Variants in SBK3 observed in about 807,000 individuals in gnomAD.
SBK3 encodes SH3 domain binding kinase family member 3.
In SBK3, 16 loss-of-function variants were observed where a neutral mutation model predicts 12.7. That is an observed-to-expected ratio of 1.26 (90% CI 0.86 to 1.92). SBK3 has a LOEUF of 1.92. Among genes scored for constraint, SBK3 ranks in the 40% most tolerant of loss-of-function variants. The probability of loss-of-function intolerance (pLI) is 0.00; values close to 1 mark genes in which losing one functional copy is unlikely to be tolerated. For missense variants in SBK3, 462 were observed against 481.8 expected, an observed-to-expected ratio of 0.96 and a Z score of 0.38; for synonymous variants, 217 against 213.6, an observed-to-expected ratio of 1.02 and a Z score of -0.14.
At chr19:55,544,612 A>G (rs1414897758) in intron 2 of SBK3, among the ~76,000 whole-genome samples, 187 bp downstream of exon 2, 1 of 152,166 alleles carries the variant, frequency 6.6e-6, no homozygotes, top group Non-Finnish European at 1.5e-5. Flanking sequence ...GACCGTAGGC[A>G]GTCCCTCGCC....
intron 3 of SBK3, among the ~76,000 whole-genome samples, chr19:55,543,304 TCATC>T (rs58908017): frequency 4.7e-4 from 24 of 50,600 alleles, no homozygotes; most frequent in Non-Finnish European, 4.0e-4. Context: ...ACCAATCCTT[TCATC>T]CATCCATCCA....
chr19:55,541,041 G>T lies in SBK3; in HGVS notation c.885C>A (p.Ser295Arg), dbSNP rs1349187324. ...GLLDLDPETRSPPLAVLDFLG... is the reference protein window; with the variant it reads ...GLLDLDPETRRPPLAVLDFLG... ...GGAAGTCCAGGACAGCCAGTGGGGG[G>T]CTCCTAGTCTCGGGATCCAGGTCCA... Residue 295 changes from serine to arginine, a missense_variant, in exon 4 of 4, where the codon AGC becomes AGA. Ser to Arg is a moderately radical substitution (Grantham distance 110). Coordinates refer to ENST00000612221, the MANE Select transcript of SBK3 (RefSeq NM_001199824.2). This position sits in a 1 kb window ranked among gnomAD's most constrained non-coding sequence, Gnocchi z 5.3. 2 of 1,535,986 alleles carry T rather than the reference G, an allele frequency of 1.3e-6. No individual in the cohort carries two copies. The highest frequency in any genetic ancestry group is 2.4e-5 in the South Asian group (2 of 84,052).
intron 2 of SBK3, 55 bp downstream of exon 2, chr19:55,544,744 G>A (rs557390840): frequency 1.1e-5 from 16 of 1,436,602 alleles, no homozygotes; most frequent in Middle Eastern, 2.4e-4. Context: ...GGTGGCTTCC[G>A]AGAATGCTTA....
Position 55,541,508 on chromosome 19 carries a change from C to A in SBK3, c.418G>T (p.Val140Leu). 6.6e-7 allele frequency: 1 copy of A among 1,520,174 alleles called. No individual in the cohort carries two copies. 94.2% of individuals were successfully genotyped at this position (1,520,174 alleles called of 1,614,324 possible). ...LQERGLPELL[V>L]KRVVAQLAGA... ...GCCAACTGGGCCACCACCCGCTTCA[C>A]CAGCAGTTCTGGGAGGCCCTGAGGT... The change falls in exon 4 of 4, where the codon GTG becomes TTG. Residue 140 changes from valine to leucine, a missense_variant. By Grantham distance (32) the Val-to-Leu change is conservative. Coordinates refer to ENST00000612221, the MANE Select transcript of SBK3 (RefSeq NM_001199824.2). This position sits in a 1 kb window ranked among gnomAD's most constrained non-coding sequence, Gnocchi z 5.3.
chr19:55,543,227 C>CCCAT (rs1478950266), intron 3 of SBK3, among the ~76,000 whole-genome samples: 1 of 127,392 alleles, frequency 7.8e-6, no homozygotes, highest in African/African-American at 3.0e-5. Context: ...CATCCACCCA[C>CCCAT]CCATCCATCC....
At chr19:55,543,749 T>C (rs533442101) in intron 3 of SBK3, among the ~76,000 whole-genome samples, 1 of 152,044 alleles carries the variant, frequency 6.6e-6, no homozygotes, top group African/African-American at 2.4e-5. Flanking sequence ...TATAATCAAC[T>C]CTAAACTCAA....
At position 55,541,250 on chromosome 19, in the gene SBK3, A is replaced by G. The variant is rs1321959650; in HGVS notation, c.676T>C (p.Trp226Arg). Reference protein sequence around the residue: ...TLPLRPAVDSWGLGVLLFCAA... With the variant: ...TLPLRPAVDSRGLGVLLFCAA... The stretch of plus-strand genomic sequence containing the variant: ...CAGAAGAGAAGCACCCCCAGGCCCC[A>G]GGAGTCCACGGCTGGCCGCAGAGGC... Residue 226 changes from tryptophan (W) to arginine (R), a missense_variant, in exon 4 of 4, where the codon TGG becomes CGG. Transcript: ENST00000612221. The surrounding 1 kb of genome is among the most constrained non-coding windows in gnomAD (Gnocchi z 5.3). 2.6e-6 allele frequency: 4 copies of G among 1,536,038 alleles called. No individual in the cohort carries two copies. The Admixed American group carries it at 5.9e-5, about 23-fold the overall frequency.
chr19:55,544,422 T>C, intron 2 of SBK3, 120 bp from the exon 3 acceptor site: 3 of 798,284 alleles, frequency 3.8e-6, no homozygotes, highest in Non-Finnish European at 5.8e-6. Context: ...GGCTCCCCTG[T>C]CTGTGAAGTG....
intron 3 of SBK3, among the ~76,000 whole-genome samples, chr19:55,542,547 TCATC>T (rs143447101): frequency 0.44 from 56,789 of 129,366 alleles, 13,728 homozygotes; most frequent in South Asian, 0.58. Flanking sequence ...ACCAATCCTT[TCATC>T]CATCCATCCA....
At position 55,545,338 on chromosome 19, in the gene SBK3, T is replaced by C. The variant is rs1038964398; in HGVS notation, c.45+161A>G. On this transcript the variant is annotated intron_variant, in intron 1 of 3. Transcript: ENST00000612221. This position sits in a 1 kb window ranked among gnomAD's most constrained non-coding sequence, Gnocchi z 4.4. The stretch of plus-strand genomic sequence containing the variant: ...CTCTGGGGGCCTTGGTCTCGCTGTG[T>C]GTCCTTGGATCTCTGTCATCCTCTC... The C allele has an allele frequency of 4.2e-5, 26 of 626,362 alleles. No individual in the cohort carries two copies. The African/African-American group carries it at 4.6e-4, about 11-fold the overall frequency. 38.8% of individuals were successfully genotyped at this position (626,362 alleles called of 1,614,324 possible).
At position 55,545,257 on chromosome 19, in the gene SBK3, C is replaced by T; in HGVS notation, c.45+242G>A. 1 of 586,882 alleles carries T rather than the reference C, an allele frequency of 1.7e-6. No individual in the cohort carries two copies. Among genetic ancestry groups the T allele is most frequent in the East Asian group, 2.9e-5 (1 of 34,832 alleles). The allele number at this position is 586,882 out of a possible 1,614,324, so 36.4% of individuals were successfully genotyped here. On this transcript the variant is annotated intron_variant, in intron 1 of 3. Transcript: ENST00000612221. The surrounding 1 kb of genome is among the most constrained non-coding windows in gnomAD (Gnocchi z 4.4). ...ACAGTCCCCCTGCCCACCCTGGTCT[C>T]TCTCTCCACCGTCCTCTTCCCCTGT...
At position 55,545,393 on chromosome 19, in the gene SBK3, C is replaced by T. The variant is rs969062988; in HGVS notation, c.45+106G>A. On this transcript the variant is annotated intron_variant, in intron 1 of 3. Transcript: ENST00000612221. This position sits in a 1 kb window ranked among gnomAD's most constrained non-coding sequence, Gnocchi z 4.4. ...TGGGTCTGGGTCTCTGAGGTCTTTG[C>T]GTTTCCCTGTTTTCTGTTTCTCTTC... 18 of 943,808 alleles carry T rather than the reference C, an allele frequency of 1.9e-5. No individual in the cohort carries two copies. The highest frequency in any genetic ancestry group is 3.3e-5 in the African/African-American group (2 of 60,828). The allele number at this position is 943,808 out of a possible 1,614,324, so 58.5% of individuals were successfully genotyped here. A position where few individuals can be genotyped will look rare whatever the true frequency, so the allele number is the denominator to read the frequency against.
intron 3 of SBK3, among the ~76,000 whole-genome samples, chr19:55,543,268 T>TCATC (rs1234211718): frequency 6.7e-5 from 4 of 59,332 alleles, no homozygotes; most frequent in Non-Finnish European, 1.3e-4. Context: ...ACCCACCCAC[T>TCATC]CATCCATCCA....
chr19:55,540,809 C>T lies in SBK3; in HGVS notation c.*37G>A, dbSNP rs2123488980. ...GCCCTGGGGGCTGGGGGAAGGGCCTCTGGCCCAGGCTCTGGCCACCTGTCT... is the reference window on the plus strand; with the variant it reads ...GCCCTGGGGGCTGGGGGAAGGGCCTTTGGCCCAGGCTCTGGCCACCTGTCT... On this transcript the variant is annotated 3_prime_UTR_variant, in exon 4 of 4. Coordinates refer to ENST00000612221, the MANE Select transcript of SBK3 (RefSeq NM_001199824.2). The T allele has an allele frequency of 6.6e-7, 1 of 1,521,774 alleles. No homozygotes were observed. Among genetic ancestry groups the T allele is most frequent in the South Asian group, 1.2e-5 (1 of 83,776 alleles). 94.3% of individuals were successfully genotyped at this position (1,521,774 alleles called of 1,614,324 possible).
chr19:55,542,485 AT>A (rs1988574244), intron 3 of SBK3, among the ~76,000 whole-genome samples: 2 of 138,482 alleles, frequency 1.4e-5, no homozygotes, highest in Admixed American at 7.3e-5. Flanking sequence ...CCATCCATCC[AT>A]CCATCCATCC....
chr19:55,540,998 AC>A lies in SBK3; in HGVS notation c.927del (p.Leu310CysfsTer?). On this transcript the variant is annotated frameshift_variant, in exon 4 of 4. Transcript: ENST00000612221. LOFTEE classifies it low-confidence loss of function (END_TRUNC). ...CCAGGTCCCTCTCTGTTCCCTTGCAACCCCCAGTCGTCCCCCAGGAAGTCCA... is the reference window on the plus strand; with the variant it reads ...CCAGGTCCCTCTCTGTTCCCTTGCAACCCCAGTCGTCCCCCAGGAAGTCCA... ...AVLDFLGDDW[G>X]LQGNREGPGV... 1.3e-6 allele frequency: 2 copies of A among 1,534,656 alleles called. No individual in the cohort carries two copies. Among genetic ancestry groups the A allele is most frequent in the Non-Finnish European group, 1.7e-6 (2 of 1,146,440 alleles).
rs1338938441 is a variant in SBK3, at chr19:55,544,168, G to A, written c.331C>T (p.Pro111Ser). The A allele has an allele frequency of 2.0e-6, 3 of 1,535,588 alleles. No individual in the cohort carries two copies. The highest frequency in any genetic ancestry group is 2.4e-5 in the East Asian group (1 of 40,908). ...TCCTGGGCGAAGGCAAAATAGCGGG[G>A]GGTCTGTAGGGGTCCTGCCAGGGTC... The part of the protein sequence containing the change: ...LQTLAGPLQT[P>S]RYFAFAQEYA... The change falls in exon 3 of 4, where the codon CCC becomes TCC. Residue 111 changes from proline (P) to serine (S), a missense_variant. Transcript: ENST00000612221.
intron 3 of SBK3, among the ~76,000 whole-genome samples, chr19:55,543,175 A>C (rs1328996497): frequency 1.7e-4 from 14 of 81,196 alleles, no homozygotes; most frequent in South Asian, 4.5e-4. Context: ...CCACCCACCC[A>C]TCCATCCACC....
At position 55,545,463 on chromosome 19, in the gene SBK3, T is replaced by C; in HGVS notation, c.45+36A>G. 1 of 1,483,224 alleles carries C rather than the reference T, an allele frequency of 6.7e-7. No homozygotes were observed. The highest frequency in any genetic ancestry group is 9.1e-7 in the Non-Finnish European group (1 of 1,100,528). The allele number at this position is 1,483,224 out of a possible 1,614,324, so 91.9% of individuals were successfully genotyped here. Reference sequence around the variant, plus strand: ...CTCCTGCCTCTCTCTCCTTCTTTTCTCTCTCTGTCTTCCTCCCCTGGCTCC... The same window carrying C: ...CTCCTGCCTCTCTCTCCTTCTTTTCCCTCTCTGTCTTCCTCCCCTGGCTCC... On this transcript the variant is annotated intron_variant, in intron 1 of 3. Coordinates refer to ENST00000612221, the MANE Select transcript of SBK3 (RefSeq NM_001199824.2). The surrounding 1 kb of genome is among the most constrained non-coding windows in gnomAD (Gnocchi z 4.4).
Sources: allele counts gnomAD v4.1 joint callset (sites outside exome capture counted in the v4.1 genomes callset), GRCh38; gene constraint gnomAD v4.1.1; non-coding constraint Gnocchi (gnomAD v3.1); transcripts MANE v1.5; gene names NCBI Gene and HGNC (gene_info 2026-07-23, HGNC 2026-07-21).